The following TRPM3 variants were observed in gnomAD, a reference collection of about 807,000 sequenced individuals.
The protein encoded by TRPM3 is long transient receptor potential channel 3.
In TRPM3, 77 loss-of-function variants were observed where a neutral mutation model predicts 181.2. The observed-to-expected ratio is 0.42, with a 90% CI of 0.35 to 0.51. TRPM3 has a LOEUF of 0.51. TRPM3 is among the 20% of genes least tolerant of loss of function. The pLI is 0.01. For missense variants in TRPM3, 1,759 were observed against 2,196.7 expected, an observed-to-expected ratio of 0.80 and a Z score of 3.98; for synonymous variants, 745 against 796.4, an observed-to-expected ratio of 0.94 and a Z score of 1.09.
chr9:71,440,483 A>C (rs1049108162), intron 1 of TRPM3, among the ~76,000 whole-genome samples: 6 of 152,250 alleles, frequency 3.9e-5, no homozygotes, highest in Non-Finnish European at 5.9e-5. Context: ...TGCAAAATCC[A>C]AGTGACTGTT....
chr9:71,255,967 GA>G (rs111419672), intron 1 of TRPM3, among the ~76,000 whole-genome samples: 5 of 151,880 alleles, frequency 3.3e-5, no homozygotes, highest in Middle Eastern at 3.4e-3. Flanking sequence ...TAAATCAAAA[GA>G]AAAAAAATCG....
chr9:70,790,748 A>G (rs1337399788), intron 6 of TRPM3, among the ~76,000 whole-genome samples: 1 of 152,200 alleles, frequency 6.6e-6, no homozygotes, highest in African/African-American at 2.4e-5. Flanking sequence ...CATAAATCTG[A>G]TAATCGGTTG....
intron 19 of TRPM3, among the ~76,000 whole-genome samples, chr9:70,605,847 A>T (rs1157862137): frequency 6.6e-6 from 1 of 152,206 alleles, no homozygotes; most frequent in Admixed American, 6.5e-5. Flanking sequence ...ATTTTGCCCA[A>T]ATGATTGCAA....
intron 24 of TRPM3, among the ~76,000 whole-genome samples, chr9:70,551,218 T>C (rs985180624): frequency 1.3e-5 from 2 of 152,206 alleles, no homozygotes; most frequent in African/African-American, 4.8e-5. Flanking sequence ...AACTTGGCAG[T>C]GCCCTGGGTT....
intron 1 of TRPM3, among the ~76,000 whole-genome samples, chr9:71,005,470 G>A (rs79081208): frequency 1.3e-4 from 19 of 151,390 alleles, no homozygotes; most frequent in South Asian, 4.2e-4. Context: ...GGAATTTTCC[G>A]AAGCACATCA....
At chr9:71,108,625 C>A (rs1051177080) in intron 1 of TRPM3, among the ~76,000 whole-genome samples, 3 of 152,064 alleles carry the variant, frequency 2.0e-5, no homozygotes, top group Non-Finnish European at 4.4e-5. Flanking sequence ...CAAGTGTTAG[C>A]AGAATACAGA....
chr9:71,269,780 T>C (rs1162438527), intron 1 of TRPM3, among the ~76,000 whole-genome samples: 3 of 152,216 alleles, frequency 2.0e-5, no homozygotes, highest in African/African-American at 7.2e-5. Flanking sequence ...TTTTGTTCCC[T>C]ATAAATAATC....
chr9:70,786,831 T>G (rs1249371852), intron 6 of TRPM3, among the ~76,000 whole-genome samples: 1 of 152,168 alleles, frequency 6.6e-6, no homozygotes, highest in Non-Finnish European at 1.5e-5. Flanking sequence ...AGACCCCTTC[T>G]AGGATCTTCT....
chr9:70,863,334 T>C (rs762621085), intron 2 of TRPM3, among the ~76,000 whole-genome samples: 1 of 152,120 alleles, frequency 6.6e-6, no homozygotes, highest in Non-Finnish European at 1.5e-5. Context: ...TTTAGCTGTA[T>C]AAGTTGTAAT....
chr9:71,249,029 T>C (rs7040929), intron 1 of TRPM3, among the ~76,000 whole-genome samples: 41,727 of 152,136 alleles, frequency 0.27, 6,780 homozygotes, highest in African/African-American at 0.45. Flanking sequence ...AAGTGTTTCA[T>C]CTGGAATATA....
At chr9:70,907,264 T>C (rs1169155564) in intron 1 of TRPM3, among the ~76,000 whole-genome samples, 3 of 152,218 alleles carry the variant, frequency 2.0e-5, no homozygotes, top group Admixed American at 1.3e-4. Flanking sequence ...GCATGTTGCA[T>C]GTTCCCAGCT....
chr9:71,302,561 C>T (rs967338223), intron 1 of TRPM3, among the ~76,000 whole-genome samples: 3 of 152,030 alleles, frequency 2.0e-5, no homozygotes, highest in African/African-American at 7.2e-5. Context: ...TTGGTTCAAG[C>T]GAAAGGTAGA....
intron 1 of TRPM3, among the ~76,000 whole-genome samples, chr9:71,067,201 A>G (rs1360253927): frequency 6.6e-6 from 1 of 151,252 alleles, no homozygotes; most frequent in African/African-American, 2.4e-5. Context: ...GGTTCCTTAC[A>G]CTGTGTATAG....
chr9:70,882,889 A>G (rs1282454729), intron 1 of TRPM3, among the ~76,000 whole-genome samples: 1 of 152,168 alleles, frequency 6.6e-6, no homozygotes, highest in Admixed American at 6.6e-5. Flanking sequence ...AATACCATAA[A>G]GAATAAAGGA....
At chr9:71,082,010 C>T (rs2064434562) in intron 1 of TRPM3, among the ~76,000 whole-genome samples, 1 of 152,104 alleles carries the variant, frequency 6.6e-6, no homozygotes, top group African/African-American at 2.4e-5. Flanking sequence ...ATGTAACAAC[C>T]TCAATGTTTT....
At chr9:70,671,092 G>T (rs1381556322) in intron 9 of TRPM3, among the ~76,000 whole-genome samples, 3 of 152,104 alleles carry the variant, frequency 2.0e-5, no homozygotes, top group Non-Finnish European at 4.4e-5. Context: ...TTCTAGTTTG[G>T]TGTCATCATT....
At chr9:70,606,199 T>TATC (rs1202449162) in intron 19 of TRPM3, among the ~76,000 whole-genome samples, 1 of 152,224 alleles carries the variant, frequency 6.6e-6, no homozygotes, top group Non-Finnish European at 1.5e-5. Flanking sequence ...TCTATATATC[T>TATC]ATCTATCTGT....
intron 1 of TRPM3, among the ~76,000 whole-genome samples, chr9:71,181,919 TG>T (rs2077427207): frequency 6.6e-6 from 1 of 152,106 alleles, no homozygotes; most frequent in Non-Finnish European, 1.5e-5. Flanking sequence ...CACAAATTCC[TG>T]GGCCACTCAA....
At chr9:70,903,074 A>T (rs2096408857) in intron 1 of TRPM3, among the ~76,000 whole-genome samples, 1 of 152,180 alleles carries the variant, frequency 6.6e-6, no homozygotes, top group African/African-American at 2.4e-5. Flanking sequence ...TTACAGCCGG[A>T]ACTCTTTCCC....
Sources: allele counts gnomAD v4.1 joint callset (sites outside exome capture counted in the v4.1 genomes callset), GRCh38; gene constraint gnomAD v4.1.1; transcripts MANE v1.5; gene names NCBI Gene and HGNC (gene_info 2026-07-23, HGNC 2026-07-21).